Variants in ABCC8 observed in about 807,000 individuals in gnomAD.
The protein encoded by ABCC8 is ATP-binding cassette sub-family C member 8.
Under a neutral mutation model 188.0 loss-of-function variants are expected in ABCC8, and 137 were observed. The ratio of observed to expected loss-of-function variants is 0.73; its 90% CI spans 0.63 to 0.84. ABCC8 has a LOEUF of 0.84. Among genes scored for constraint, ABCC8 ranks in the 40% least tolerant of loss-of-function variants. ABCC8 has a pLI of 0.00. For synonymous variants in ABCC8, 797 were observed against 846.5 expected (o/e 0.94, Z 1.01); for missense variants, 1,750 against 2,072.7 (o/e 0.84, Z 3.02).
chr11:17,461,619 G>A lies in ABCC8; in HGVS notation c.786C>T (p.Asn262=). 6.2e-7 allele frequency: 1 copy of A among 1,614,274 alleles called. No individual in the cohort carries two copies. Among genetic ancestry groups the A allele is most frequent in the Non-Finnish European group, 8.5e-7 (1 of 1,180,052 alleles). Residue 262 remains asparagine (N), a synonymous_variant, in exon 5 of 39, where the codon AAC becomes AAT. Transcript: ENST00000389817. ...KLPIAMRALT[N]YQRLCEAFDA... is the part of the protein sequence containing the mutation. The stretch of plus-strand genomic sequence containing the variant: ...CAAAGGCCTCGCAGAGCCGTTGGTA[G>A]TTGGTGAGGGCCCTCATGGCGATGG...
Position 17,428,179 on chromosome 11 carries a change from G to T in ABCC8, c.2040+110C>A, listed in dbSNP as rs904623511. The T allele has an allele frequency of 2.5e-6, 4 of 1,570,072 alleles. No homozygotes were observed. The Admixed American group carries it at 5.0e-5, about 20-fold the overall frequency. On this transcript the variant is annotated intron_variant, in intron 14 of 38. Transcript: ENST00000389817. ...GGACTCCTATGGACCGTACAGGCAG[G>T]CAGGGTGACCTCTGCAGAGGACTAA...
chr11:17,409,386 A>G (rs2237992), intron 22 of ABCC8, among the ~76,000 whole-genome samples: 118,026 of 152,134 alleles, frequency 0.78, 46,700 homozygotes, highest in African/African-American at 0.94. Context: ...GAGAGTCCTG[A>G]TCACTGATTC....
intron 21 of ABCC8, among the ~76,000 whole-genome samples, chr11:17,410,930 C>G (rs555453449): frequency 1.3e-5 from 2 of 152,302 alleles, no homozygotes; most frequent in South Asian, 4.1e-4. Flanking sequence ...AAAGTCAAAC[C>G]CTGTGGGCTG....
intron 16 of ABCC8, among the ~76,000 whole-genome samples, chr11:17,423,586 C>T (rs1000918084): frequency 2.6e-5 from 4 of 152,206 alleles, no homozygotes; most frequent in Admixed American, 2.0e-4. Flanking sequence ...GGACCAGGAC[C>T]GGGCGAGAGA....
rs72559714 is a variant in ABCC8, at chr11:17,394,337, C to T, written c.4474G>A (p.Ala1492Thr). 3 of 1,614,068 alleles carry T rather than the reference C, an allele frequency of 1.9e-6. No individual in the cohort carries two copies. The highest frequency in any genetic ancestry group is 2.5e-6 in the Non-Finnish European group (3 of 1,180,034). ...SQGQRQLFCL[A>T]RAFVRKTSIF... ...CTGGTCTTCCTCACGAAGGCCCGGG[C>T]CAGGCAGAACAGCTGCCTCTGTCCC... The change falls in exon 37 of 39, where the codon GCC becomes ACC. Residue 1492 changes from alanine to threonine, a missense_variant. Transcript: ENST00000389817.
intron 8 of ABCC8, among the ~76,000 whole-genome samples, chr11:17,443,889 A>G (rs1956421923): frequency 6.6e-6 from 1 of 152,150 alleles, no homozygotes; most frequent in Non-Finnish European, 1.5e-5. Context: ...ACTTCTGAAT[A>G]TTTATGAGAA....
intron 36 of ABCC8, 37 bp downstream of exon 36, chr11:17,395,135 G>A (rs778909433): frequency 6.4e-7 from 1 of 1,553,236 alleles, no homozygotes; most frequent in Non-Finnish European, 8.7e-7. Flanking sequence ...GTCCTTGAGT[G>A]CCCAACCAAC....
intron 29 of ABCC8, among the ~76,000 whole-genome samples, chr11:17,401,340 T>C (rs551286827): frequency 3.2e-4 from 49 of 152,322 alleles, no homozygotes; most frequent in African/African-American, 1.2e-3. Flanking sequence ...CATAGGCTTG[T>C]CCAGGGGCAA....
At chr11:17,413,774 C>T (rs1229760733) in intron 19 of ABCC8, among the ~76,000 whole-genome samples, 2 of 152,130 alleles carry the variant, frequency 1.3e-5, no homozygotes, top group Admixed American at 6.5e-5. Context: ...AAGCTGCAGC[C>T]GGAACCCGTG....
chr11:17,416,885 T>G, intron 17 of ABCC8, 45 bp downstream of exon 17: 44 of 869,908 alleles, frequency 5.1e-5, no homozygotes, highest in Non-Finnish European at 6.8e-5. Context: ...ACCCTACCCC[T>G]TCCCTTTGTT....
At position 17,404,152 on chromosome 11, in the gene ABCC8, G is replaced by A. The variant is rs1011263976; in HGVS notation, c.3557+360C>T. ...ACACTGCTTGAATCAGGTGCCCGCCGATTTCATGCATCAGCAATCAGCCTG... is the reference window on the plus strand; with the variant it reads ...ACACTGCTTGAATCAGGTGCCCGCCAATTTCATGCATCAGCAATCAGCCTG... On this transcript the variant is annotated intron_variant, in intron 28 of 38. Transcript: ENST00000389817. This position sits in a 1 kb window ranked among gnomAD's most constrained non-coding sequence, Gnocchi z 4.7. Among the ~76,000 whole-genome samples the A allele has an allele frequency of 3.3e-5, 5 of 152,116 alleles. No homozygotes were observed. Among genetic ancestry groups the A allele is most frequent in the Non-Finnish European group, 7.3e-5 (5 of 68,030 alleles).
intron 16 of ABCC8, among the ~76,000 whole-genome samples, chr11:17,421,932 G>A (rs1221644432): frequency 1.3e-5 from 2 of 152,186 alleles, no homozygotes; most frequent in Non-Finnish European, 2.9e-5. Flanking sequence ...TGGCTGCCTG[G>A]TCACCAGGTC....
At position 17,404,738 on chromosome 11, in the gene ABCC8, G is replaced by T; in HGVS notation, c.3400-69C>A. 1 of 1,545,570 alleles carries T rather than the reference G, an allele frequency of 6.5e-7. No homozygotes were observed. Among genetic ancestry groups the T allele is most frequent in the South Asian group, 1.2e-5 (1 of 84,052 alleles). On this transcript the variant is annotated intron_variant, in intron 27 of 38. Transcript: ENST00000389817. The surrounding 1 kb of genome is among the most constrained non-coding windows in gnomAD (Gnocchi z 4.7). Reference sequence around the variant, plus strand: ...GACTGTGTTTAGAGTGCTACTGGCCGCCATGTTTTGCTCTCACTTTATTTT... The same window carrying T: ...GACTGTGTTTAGAGTGCTACTGGCCTCCATGTTTTGCTCTCACTTTATTTT...
chr11:17,436,726 GC>G (rs1211036409), intron 10 of ABCC8, among the ~76,000 whole-genome samples: 1 of 152,198 alleles, frequency 6.6e-6, no homozygotes, highest in East Asian at 1.9e-4. Context: ...AAAACTGAAA[GC>G]CCTTCTGCAA....
rs374377231 is a variant in ABCC8, at chr11:17,404,691, G to C, written c.3400-22C>G. The C allele has an allele frequency of 1.1e-5, 17 of 1,585,978 alleles. No homozygotes were observed. Among genetic ancestry groups the C allele is most frequent in the Non-Finnish European group, 1.5e-5 (17 of 1,166,448 alleles). The stretch of plus-strand genomic sequence containing the variant: ...TGTGCTGAGGGAGACGAGGGGGAGA[G>C]AGTGAGGTGAATTTTGGTATTGACT... On this transcript the variant is annotated intron_variant, in intron 27 of 38. Transcript: ENST00000389817. The surrounding 1 kb of genome is among the most constrained non-coding windows in gnomAD (Gnocchi z 4.7).
intron 38 of ABCC8, 95 bp downstream of exon 38, chr11:17,393,602 A>AC: frequency 6.3e-7 from 1 of 1,575,610 alleles, no homozygotes; most frequent in South Asian, 1.1e-5. Flanking sequence ...GATTACTGGG[A>AC]CCAGGCAAGC....
In ABCC8 at chr11:17,453,109, A is replaced by T. The variant is rs762053701; in HGVS notation, c.1176+10T>A. The T allele has an allele frequency of 1.2e-6, 2 of 1,607,296 alleles. No individual in the cohort carries two copies. Among genetic ancestry groups the T allele is most frequent in the Non-Finnish European group, 1.7e-6 (2 of 1,173,752 alleles). ...CTTATGGCAAAGTGAAAAAATAATC[A>T]TCCAAGTACCTGTATTGCTCCTCTC... On this transcript the variant is annotated intron_variant, in intron 7 of 38. Transcript: ENST00000389817.
At chr11:17,412,801 C>T in intron 20 of ABCC8, 55 bp from the exon 21 acceptor site, 1 of 1,567,096 alleles carries the variant, frequency 6.4e-7, no homozygotes, top group African/African-American at 1.4e-5. Context: ...GAGACACTGT[C>T]CTGTACCCTA....
intron 1 of ABCC8, among the ~76,000 whole-genome samples, chr11:17,475,613 TCTTTTTTGATTTTTGATGCA>T (rs1848718652): frequency 6.6e-6 from 1 of 152,218 alleles, no homozygotes; most frequent in African/African-American, 2.4e-5. Context: ...TAAATGCTGT[TCTTTTTTGATTTTTGATGCA>T]CATATGAGCA....
Sources: allele counts gnomAD v4.1 joint callset (sites outside exome capture counted in the v4.1 genomes callset), GRCh38; gene constraint gnomAD v4.1.1; non-coding constraint Gnocchi (gnomAD v3.1); transcripts MANE v1.5; gene names NCBI Gene and HGNC (gene_info 2026-07-23, HGNC 2026-07-21).